Variants in CNTNAP2 observed in about 807,000 individuals in gnomAD.
CNTNAP2 encodes the protein contactin associated protein 2.
CNTNAP2 carries 98 observed loss-of-function variants against 155.2 expected under a neutral mutation model. The ratio of observed to expected loss-of-function variants is 0.63; its 90% confidence interval spans 0.54 to 0.75. The LOEUF is 0.75. Ranked by LOEUF, CNTNAP2 falls within the 30% of genes least tolerant of loss-of-function variation. CNTNAP2 has a pLI of 0.00. For missense variants in CNTNAP2, 1,727 were observed against 1,688.1 expected (o/e 1.02, Z -0.40); for synonymous variants, 651 against 631.2 (o/e 1.03, Z -0.47).
At chr7:148,268,512 G>A (rs1173508103) in intron 21 of CNTNAP2, among the ~76,000 whole-genome samples, 2 of 152,014 alleles carry the variant, frequency 1.3e-5, no homozygotes, top group African/African-American at 2.4e-5. Context: ...AAAATTAGAC[G>A]GGCGTGGTGG....
At chr7:147,003,397 T>C (rs1347667980) in intron 3 of CNTNAP2, among the ~76,000 whole-genome samples, 1 of 151,780 alleles carries the variant, frequency 6.6e-6, no homozygotes, top group East Asian at 1.9e-4. Flanking sequence ...AAAAAAATAA[T>C]TATTGTACAC....
chr7:147,311,076 G>A (rs1007860128), intron 9 of CNTNAP2, among the ~76,000 whole-genome samples: 42 of 152,108 alleles, frequency 2.8e-4, no homozygotes, highest in African/African-American at 8.0e-4. Flanking sequence ...TACTGAGAAC[G>A]ATCAGCTCTC....
chr7:146,713,539 C>T (rs1222338848), intron 1 of CNTNAP2, among the ~76,000 whole-genome samples: 2 of 152,144 alleles, frequency 1.3e-5, no homozygotes, highest in Non-Finnish European at 2.9e-5. Context: ...CTCTCCTGCC[C>T]AACCACCTCA....
chr7:147,796,386 G>A (rs1260584781), intron 13 of CNTNAP2, among the ~76,000 whole-genome samples: 1 of 152,090 alleles, frequency 6.6e-6, no homozygotes, highest in Non-Finnish European at 1.5e-5. Context: ...GGAAGCCTTA[G>A]CACAAATAAT....
intron 22 of CNTNAP2, among the ~76,000 whole-genome samples, chr7:148,403,622 A>G (rs1446344677): frequency 6.6e-6 from 1 of 152,192 alleles, no homozygotes; most frequent in East Asian, 1.9e-4. Flanking sequence ...GGATGTTAGC[A>G]GTAGAATAGG....
intron 1 of CNTNAP2, among the ~76,000 whole-genome samples, chr7:146,260,298 G>T (rs931341858): frequency 6.6e-6 from 1 of 152,232 alleles, no homozygotes; most frequent in African/African-American, 2.4e-5. Context: ...GAAATGTGGG[G>T]TTGGAGCCTG....
chr7:147,913,954 T>C (rs528932782), intron 14 of CNTNAP2, among the ~76,000 whole-genome samples: 2 of 152,252 alleles, frequency 1.3e-5, no homozygotes, highest in African/African-American at 4.8e-5. Flanking sequence ...CCATCAAAAC[T>C]TGAACACTAC....
intron 3 of CNTNAP2, among the ~76,000 whole-genome samples, chr7:146,949,736 T>G (rs1203585386): frequency 6.6e-6 from 1 of 152,168 alleles, no homozygotes; most frequent in Non-Finnish European, 1.5e-5. Context: ...AATAGGCCAA[T>G]GTTCTCATGG....
At chr7:146,840,925 A>G (rs544051887) in intron 3 of CNTNAP2, among the ~76,000 whole-genome samples, 45 of 152,346 alleles carry the variant, frequency 3.0e-4, no homozygotes, top group African/African-American at 1.0e-3. Flanking sequence ...AGTCATAATT[A>G]TATGGAAAGA....
At chr7:146,693,302 A>T (rs1305238866) in intron 1 of CNTNAP2, among the ~76,000 whole-genome samples, 1 of 152,226 alleles carries the variant, frequency 6.6e-6, no homozygotes, top group East Asian at 1.9e-4. Flanking sequence ...TGCTGATGTT[A>T]TGAATTAGAT....
intron 9 of CNTNAP2, among the ~76,000 whole-genome samples, chr7:147,388,014 T>C (rs2116436874): frequency 6.6e-6 from 1 of 152,290 alleles, no homozygotes; most frequent in Non-Finnish European, 1.5e-5. Flanking sequence ...GGAGGAGCTT[T>C]CTATTTTCCC....
chr7:147,097,278 A>C (rs1041551181), intron 4 of CNTNAP2, among the ~76,000 whole-genome samples: 3 of 152,248 alleles, frequency 2.0e-5, no homozygotes, highest in Admixed American at 2.0e-4. Context: ...TAATGATTTT[A>C]CAAGTTTAAA....
At chr7:146,394,550 A>G (rs990447151) in intron 1 of CNTNAP2, among the ~76,000 whole-genome samples, 1 of 152,076 alleles carries the variant, frequency 6.6e-6, no homozygotes, top group Non-Finnish European at 1.5e-5. Context: ...GCCTGTATAC[A>G]CTTTCATGAC....
At chr7:148,255,581 A>C (rs1796442092) in intron 20 of CNTNAP2, among the ~76,000 whole-genome samples, 1 of 152,210 alleles carries the variant, frequency 6.6e-6, no homozygotes, top group African/African-American at 2.4e-5. Flanking sequence ...ATAAAACATA[A>C]ATCACCTAAT....
In CNTNAP2 at chr7:146,438,453, G is replaced by A. The variant is rs73164024; in HGVS notation, c.97+321480G>A. ...GGTTTACTCTCTACTGGATAAGAGA[G>A]TAAGTCTATCTTTGCCCAAATATTA... On this transcript the variant is annotated intron_variant, in intron 1 of 23. Coordinates refer to ENST00000361727, the MANE Select transcript of CNTNAP2 (RefSeq NM_014141.6). 2.5e-3 allele frequency among the ~76,000 whole-genome samples: 372 copies of A among 151,530 alleles called. 4 individuals carry two copies. Among genetic ancestry groups the A allele is most frequent in the Non-Finnish European group, 4.1e-3 (278 of 68,006 alleles).
intron 18 of CNTNAP2, among the ~76,000 whole-genome samples, chr7:148,206,190 G>A (rs977718508): frequency 2.7e-5 from 4 of 146,972 alleles, no homozygotes; most frequent in African/African-American, 1.0e-4. Flanking sequence ...CATGGTTCAG[G>A]AATTACATAT....
At chr7:148,119,147 G>A (rs113774257) in intron 16 of CNTNAP2, among the ~76,000 whole-genome samples, 2,595 of 152,172 alleles carry the variant, frequency 0.017, 63 homozygotes, top group African/African-American at 0.054. Context: ...TGTGAGAGTC[G>A]GGGAGATCAA....
At chr7:146,404,878 TC>T (rs1384481514) in intron 1 of CNTNAP2, among the ~76,000 whole-genome samples, 2 of 152,126 alleles carry the variant, frequency 1.3e-5, no homozygotes, top group Admixed American at 1.3e-4. Context: ...TGAGCAGTCT[TC>T]CCCTCCGTTC....
intron 8 of CNTNAP2, among the ~76,000 whole-genome samples, chr7:147,260,073 A>G (rs1484054514): frequency 6.6e-6 from 1 of 152,186 alleles, no homozygotes; most frequent in Non-Finnish European, 1.5e-5. Flanking sequence ...CCGAACAGAA[A>G]ATGTTTTTCC....
Sources: allele counts gnomAD v4.1 joint callset (sites outside exome capture counted in the v4.1 genomes callset), GRCh38; gene constraint gnomAD v4.1.1; transcripts MANE v1.5; gene names NCBI Gene and HGNC (gene_info 2026-07-23, HGNC 2026-07-21).